Variants in ZMIZ1 observed in about 807,000 individuals in gnomAD.
ZMIZ1 encodes the protein zinc finger MIZ domain-containing protein 1.
A neutral mutation model predicts 113.9 loss-of-function variants in ZMIZ1; 17 were observed. The ratio of observed to expected loss-of-function variants is 0.15; its 90% confidence interval spans 0.10 to 0.22. The LOEUF (loss-of-function observed/expected upper bound fraction) is 0.22, where lower values mean the gene tolerates loss of function less well. ZMIZ1 is among the 10% of genes least tolerant of loss of function. ZMIZ1 has a pLI of 1.00. For missense variants in ZMIZ1, 1,059 were observed against 1,477.8 expected (o/e 0.72, Z 4.65); for synonymous variants, 607 against 603.1 (o/e 1.01, Z -0.09).
At chr10:79,093,236 A>G (rs1012018883) in intron 1 of ZMIZ1, among the ~76,000 whole-genome samples, 1 of 149,170 alleles carries the variant, frequency 6.7e-6, no homozygotes, top group African/African-American at 2.5e-5. Context: ...GCATTATCTC[A>G]TTTACTGTTC....
At chr10:79,270,821 G>A (rs1396815181) in intron 7 of ZMIZ1, among the ~76,000 whole-genome samples, 1 of 152,186 alleles carries the variant, frequency 6.6e-6, no homozygotes, top group East Asian at 1.9e-4. Flanking sequence ...CATGGGAGAG[G>A]CTGGGTCTGG....
chr10:79,204,671 G>T (rs187033788), intron 5 of ZMIZ1, among the ~76,000 whole-genome samples: 1 of 152,350 alleles, frequency 6.6e-6, no homozygotes, highest in East Asian at 1.9e-4. Flanking sequence ...ATCCAGCTCA[G>T]AGTGGGGCCC....
chr10:79,113,890 C>T (rs11818019), intron 1 of ZMIZ1, among the ~76,000 whole-genome samples: 43,935 of 152,000 alleles, frequency 0.29, 6,734 homozygotes, highest in African/African-American at 0.38. Context: ...TTTGTGGGTC[C>T]TACAGGCCTG....
intron 7 of ZMIZ1, chr10:79,243,625 C>T (rs1450831091): frequency 4.7e-6 from 1 of 210,984 alleles, no homozygotes; most frequent in African/African-American, 2.4e-5. Flanking sequence ...CTGCGCGCAG[C>T]CTTTGTTCGG....
intron 4 of ZMIZ1, among the ~76,000 whole-genome samples, chr10:79,177,077 G>A (rs539003988): frequency 6.6e-6 from 1 of 152,360 alleles, no homozygotes; most frequent in Admixed American, 6.5e-5. Flanking sequence ...CAGGGCCTGG[G>A]CTTGCTCTCC....
intron 8 of ZMIZ1, among the ~76,000 whole-genome samples, chr10:79,283,510 CAA>C (rs1376176794): frequency 6.6e-6 from 1 of 152,172 alleles, no homozygotes; most frequent in Non-Finnish European, 1.5e-5. Flanking sequence ...CATGGCCAAA[CAA>C]GAAAGAAGGG....
intron 2 of ZMIZ1, among the ~76,000 whole-genome samples, chr10:79,130,403 C>T (rs982854782): frequency 6.6e-5 from 10 of 152,234 alleles, no homozygotes; most frequent in Non-Finnish European, 1.5e-4. Context: ...CCAGTCAACA[C>T]TCCAACCCTA....
At position 79,289,906 on chromosome 10, in the gene ZMIZ1, C is replaced by T; in HGVS notation, c.540+17C>T. 1 of 1,606,798 alleles carries T rather than the reference C, an allele frequency of 6.2e-7. No homozygotes were observed. Among genetic ancestry groups the T allele is most frequent in the South Asian group, 1.1e-5 (1 of 90,740 alleles). The stretch of plus-strand genomic sequence containing the variant: ...CAGAGCCAGGTAAGAGCCTATACTG[C>T]CCTCAGCCACAGCTCTTTCTAGGCG... On this transcript the variant is annotated intron_variant, in intron 9 of 24. Transcript: ENST00000334512.
At chr10:79,138,794 A>G (rs16936904) in intron 2 of ZMIZ1, among the ~76,000 whole-genome samples, 13,471 of 152,270 alleles carry the variant, frequency 0.088, 933 homozygotes, top group East Asian at 0.19. Flanking sequence ...ACTAGTTACA[A>G]TTTATTAAAG....
intron 7 of ZMIZ1, among the ~76,000 whole-genome samples, chr10:79,252,149 G>C (rs929641869): frequency 6.6e-6 from 1 of 152,146 alleles, no homozygotes; most frequent in Admixed American, 6.5e-5. Context: ...AAGGGCACCC[G>C]TAGACAGCAG....
intron 7 of ZMIZ1, among the ~76,000 whole-genome samples, chr10:79,221,183 G>A (rs756511920): frequency 6.6e-6 from 1 of 152,226 alleles, no homozygotes; most frequent in Non-Finnish European, 1.5e-5. Context: ...TGCAGTGAGT[G>A]AGCTTGGAGC....
At chr10:79,155,768 T>C (rs1159070097) in intron 3 of ZMIZ1, among the ~76,000 whole-genome samples, 2 of 152,246 alleles carry the variant, frequency 1.3e-5, no homozygotes, top group Non-Finnish European at 2.9e-5. Context: ...TGCGCCCTGC[T>C]CACTGATGCC....
At chr10:79,262,328 A>T (rs541193864) in intron 7 of ZMIZ1, among the ~76,000 whole-genome samples, 62 of 152,374 alleles carry the variant, frequency 4.1e-4, no homozygotes, top group African/African-American at 1.3e-3. Flanking sequence ...GGAGCCCAAC[A>T]TGCATGTGTT....
chr10:79,296,701 C>A lies in ZMIZ1; in HGVS notation c.1413+48C>A, dbSNP rs764020071. On this transcript the variant is annotated intron_variant, in intron 13 of 24. Transcript: ENST00000334512. This position sits in a 1 kb window ranked among gnomAD's most constrained non-coding sequence, Gnocchi z 4.1. Reference sequence around the variant, plus strand: ...CCCACGGGGCCCCTTCCCTCCTAACCACCTCACTCCCCTAACTCCACCGGG... The same window carrying A: ...CCCACGGGGCCCCTTCCCTCCTAACAACCTCACTCCCCTAACTCCACCGGG... The A allele has an allele frequency of 5.4e-6, 8 of 1,493,664 alleles. No individual in the cohort carries two copies. The highest frequency in any genetic ancestry group is 4.5e-5 in the Admixed American group (2 of 44,716). The allele number at this position is 1,493,664 out of a possible 1,614,324, so 92.5% of individuals were successfully genotyped here. A position where few individuals can be genotyped will look rare whatever the true frequency, so the allele number is the denominator to read the frequency against.
chr10:79,235,340 A>G (rs1346907241), intron 7 of ZMIZ1, among the ~76,000 whole-genome samples: 4 of 152,168 alleles, frequency 2.6e-5, no homozygotes, highest in Non-Finnish European at 5.9e-5. Flanking sequence ...ACTCCTGGCA[A>G]ACTTTTCATG....
At chr10:79,253,139 C>T (rs1366832303) in intron 7 of ZMIZ1, among the ~76,000 whole-genome samples, 1 of 152,114 alleles carries the variant, frequency 6.6e-6, no homozygotes, top group Non-Finnish European at 1.5e-5. Flanking sequence ...TAGGGCTGAG[C>T]CTGTTGCAGA....
intron 1 of ZMIZ1, among the ~76,000 whole-genome samples, chr10:79,105,346 G>A (rs969472395): frequency 6.6e-6 from 1 of 152,212 alleles, no homozygotes; most frequent in Non-Finnish European, 1.5e-5. Flanking sequence ...GCCGGGCTTG[G>A]CCACTGACTG....
Position 79,202,730 on chromosome 10 carries a change from C to T in ZMIZ1, c.60+1038C>T, listed in dbSNP as rs543991075. Among the ~76,000 whole-genome samples the T allele has an allele frequency of 5.2e-5, 8 of 152,390 alleles. No individual in the cohort carries two copies. In the South Asian group the frequency reaches 1.4e-3, roughly 28 times the overall value. On this transcript the variant is annotated intron_variant, in intron 5 of 24. Coordinates refer to ENST00000334512, the MANE Select transcript of ZMIZ1 (RefSeq NM_020338.4). ...CGGTGGCCAGGAGTGACGTGCCCAC[C>T]TGCTGGGCCCAGCTCCCACTGCCCA...
chr10:79,253,792 C>A (rs2132898860), intron 7 of ZMIZ1, among the ~76,000 whole-genome samples: 1 of 152,258 alleles, frequency 6.6e-6, no homozygotes, highest in Middle Eastern at 3.4e-3. Flanking sequence ...TGACTGTGAC[C>A]CCAAAGATAT....
Sources: allele counts gnomAD v4.1 joint callset (sites outside exome capture counted in the v4.1 genomes callset), GRCh38; gene constraint gnomAD v4.1.1; non-coding constraint Gnocchi (gnomAD v3.1); transcripts MANE v1.5; gene names NCBI Gene and HGNC (gene_info 2026-07-23, HGNC 2026-07-21).